Variants in PGBD1 observed in about 807,000 individuals in gnomAD.
PGBD1 encodes piggyBac transposable element-derived protein 1.
PGBD1 carries 25 observed loss-of-function variants against 34.7 expected under a neutral mutation model. The ratio of observed to expected loss-of-function variants is 0.72; its 90% confidence interval spans 0.52 to 1.00. The LOEUF (loss-of-function observed/expected upper bound fraction) is 1.00. Ranked by LOEUF, PGBD1 falls within the 50% of genes least tolerant of loss-of-function variation. The pLI, the probability that PGBD1 is intolerant of heterozygous loss-of-function variation, is 0.00. For missense variants in PGBD1, 830 were observed against 959.4 expected (o/e 0.87, Z 1.78); for synonymous variants, 292 against 335.7 (o/e 0.87, Z 1.42).
chr6:28,285,069 T>C (rs1762246450), intron 2 of PGBD1, among the ~76,000 whole-genome samples: 1 of 152,214 alleles, frequency 6.6e-6, no homozygotes, highest in African/African-American at 2.4e-5. Context: ...GTCTTTGTCA[T>C]GACGTTGTTA....
At chr6:28,282,134 G>C (rs1762147189) in intron 1 of PGBD1, among the ~76,000 whole-genome samples, 1 of 152,168 alleles carries the variant, frequency 6.6e-6, no homozygotes, top group African/African-American at 2.4e-5. Flanking sequence ...GAACATTTAC[G>C]CTGGGCCTTG....
At position 28,301,150 on chromosome 6, in the gene PGBD1, C is replaced by G. The variant is rs770269579; in HGVS notation, c.1296C>G (p.Phe432Leu). ...LFELFFDDET[F>L]NLIVNETNNY... ...AATTATTTTTTGATGATGAAACATT[C>G]AACTTAATTGTCAATGAAACCAATA... Residue 432 changes from phenylalanine to leucine, a missense_variant, in exon 7 of 7, where the codon TTC becomes TTG. Physicochemically the swap from Phe to Leu is conservative, Grantham distance 22. This residue lies in a region of PGBD1 where 457 missense variants were observed against 515.4 expected (regional missense o/e 0.89). Transcript: ENST00000682144. The G allele has an allele frequency of 6.2e-7, 1 of 1,614,022 alleles. No individual in the cohort carries two copies. Among genetic ancestry groups the G allele is most frequent in the Non-Finnish European group, 8.5e-7 (1 of 1,179,990 alleles).
In PGBD1 at chr6:28,297,992, G is replaced by A. The variant is rs749496466; in HGVS notation, c.869+1G>A. 1 of 1,592,778 alleles carries A rather than the reference G, an allele frequency of 6.3e-7. No individual in the cohort carries two copies. The highest frequency in any genetic ancestry group is 8.6e-7 in the Non-Finnish European group (1 of 1,162,558). ...GAGAAGCCTCAGGAAAGCCCAACAG[G>A]TGAGTGTCCATGGTCCTCAGTGAAT... On this transcript the variant is annotated splice_donor_variant, in intron 6 of 6. Transcript: ENST00000682144. LOFTEE classifies it high-confidence loss of function.
Position 28,301,012 on chromosome 6 carries a change from A to G in PGBD1, c.1158A>G (p.Pro386=). 6.2e-7 allele frequency: 1 copy of G among 1,614,216 alleles called. No individual in the cohort carries two copies. Among genetic ancestry groups the G allele is most frequent in the Non-Finnish European group, 8.5e-7 (1 of 1,180,038 alleles). ...AGAAGTTAAAGGTATCATGTTTCCC[A>G]GAAAAGAGTTGGACCAAAAGAGACA... ...AQKKLKVSCF[P]EKSWTKRDIK... Residue 386 remains proline, a synonymous_variant, in exon 7 of 7, where the codon CCA becomes CCG. Coordinates refer to ENST00000682144, the MANE Select transcript of PGBD1 (RefSeq NM_032507.4).
Position 28,281,729 on chromosome 6 carries a change from C to T in PGBD1, c.-228C>T, listed in dbSNP as rs756874334. The T allele has an allele frequency of 1.8e-5, 5 of 271,486 alleles. No individual in the cohort carries two copies. The highest frequency in any genetic ancestry group is 3.4e-5 in the Non-Finnish European group (5 of 146,364). The allele number at this position is 271,486 out of a possible 1,614,324, so 16.8% of individuals were successfully genotyped here. A position where few individuals can be genotyped will look rare whatever the true frequency, so the allele number is the denominator to read the frequency against. Reference sequence around the variant, plus strand: ...AGGTCAGCTACGTCTTTGTTGTGCGCGTTCCTGAACTTTTGGTCCATTAAC... The same window carrying T: ...AGGTCAGCTACGTCTTTGTTGTGCGTGTTCCTGAACTTTTGGTCCATTAAC... On this transcript the variant is annotated 5_prime_UTR_variant, in exon 1 of 7. Transcript: ENST00000682144.
chr6:28,285,654 C>T lies in PGBD1; in HGVS notation c.500C>T (p.Thr167Ile), dbSNP rs1219200079. 1 of 1,614,154 alleles carries T rather than the reference C, an allele frequency of 6.2e-7. No individual in the cohort carries two copies. Among genetic ancestry groups the T allele is most frequent in the Non-Finnish European group, 8.5e-7 (1 of 1,180,038 alleles). Residue 167 changes from threonine to isoleucine, a missense_variant, in exon 3 of 7, where the codon ACC becomes ATC. This residue lies in a region of PGBD1 where 457 missense variants were observed against 515.4 expected (regional missense o/e 0.89). Coordinates refer to ENST00000682144, the MANE Select transcript of PGBD1 (RefSeq NM_032507.4). ...QSLQLLPGIT[T>I]LKCEPPQRPQ... ...CTCCAGCTCCTGCCTGGGATAACCACCCTGAAGTGTGAACCTCCACAGCGT... is the reference window on the plus strand; with the variant it reads ...CTCCAGCTCCTGCCTGGGATAACCATCCTGAAGTGTGAACCTCCACAGCGT...
chr6:28,297,744 A>G (rs1762689992), intron 5 of PGBD1, 151 bp from the exon 6 acceptor site: 4 of 568,034 alleles, frequency 7.0e-6, no homozygotes, highest in East Asian at 6.3e-5. Context: ...GATTGCTGAA[A>G]CTGTGCACCC....
intron 1 of PGBD1, among the ~76,000 whole-genome samples, chr6:28,282,946 A>G (rs1361289942): frequency 6.6e-6 from 1 of 152,250 alleles, no homozygotes; most frequent in African/African-American, 2.4e-5. Flanking sequence ...GTATTGTTGC[A>G]TCAAAAATAA....
intron 5 of PGBD1, 53 bp downstream of exon 5, chr6:28,296,998 C>T: frequency 1.9e-6 from 3 of 1,606,972 alleles, no homozygotes; most frequent in Non-Finnish European, 1.7e-6. Context: ...TTTCCTGTCA[C>T]TCACCCTGGC....
chr6:28,282,363 G>A (rs1485060276), intron 1 of PGBD1, among the ~76,000 whole-genome samples: 1 of 152,186 alleles, frequency 6.6e-6, no homozygotes, highest in Non-Finnish European at 1.5e-5. Flanking sequence ...ACCCAGTAAA[G>A]ATTAGATCCT....
At chr6:28,288,018 G>A (rs1198916536) in intron 4 of PGBD1, among the ~76,000 whole-genome samples, 1 of 152,222 alleles carries the variant, frequency 6.6e-6, no homozygotes, top group Admixed American at 6.5e-5. Context: ...TAACAACGTA[G>A]TCAGGTGTTT....
At chr6:28,295,944 T>G (rs9461448) in intron 4 of PGBD1, among the ~76,000 whole-genome samples, 12,251 of 152,230 alleles carry the variant, frequency 0.08, 710 homozygotes, top group African/African-American at 0.14. Flanking sequence ...TGAAACCCCC[T>G]CCTTGTCAAA....
In PGBD1 at chr6:28,301,835, A is replaced by G. The variant is rs531746928; in HGVS notation, c.1981A>G (p.Met661Val). ...GAACAGGACCGAAAAATGTCCCCTT[A>G]TGAATGTAGAACATATGAAAAAAAT... ...RENRTEKCPL[M>V]NVEHMKKMKR... is the part of the protein sequence containing the mutation. Residue 661 changes from methionine (M) to valine (V), a missense_variant, in exon 7 of 7, where the codon ATG (methionine) becomes GTG (valine). By Grantham distance (21) the Met-to-Val change is conservative. Around this residue, in one of 3 missense-constraint regions of PGBD1, gnomAD observed 372 missense variants for 427.9 expected, o/e 0.87. Transcript: ENST00000682144. The G allele has an allele frequency of 6.2e-7, 1 of 1,614,090 alleles. No homozygotes were observed. Among genetic ancestry groups the G allele is most frequent in the Non-Finnish European group, 8.5e-7 (1 of 1,180,046 alleles).
rs1264954808 is a variant in PGBD1 at position 28,301,839 on chromosome 6, A to G, written c.1985A>G (p.Asn662Ser). The G allele has an allele frequency of 1.2e-6, 2 of 1,614,054 alleles. No homozygotes were observed. The highest frequency in any genetic ancestry group is 2.7e-5 in the African/African-American group (2 of 74,912). The part of the protein sequence containing the change: ...ENRTEKCPLM[N>S]VEHMKKMKRG... ...AGGACCGAAAAATGTCCCCTTATGAATGTAGAACATATGAAAAAAATGAAG... is the reference window on the plus strand; with the variant it reads ...AGGACCGAAAAATGTCCCCTTATGAGTGTAGAACATATGAAAAAAATGAAG... The change falls in exon 7 of 7, where the codon AAT becomes AGT. Residue 662 changes from asparagine (N) to serine (S), a missense_variant. By Grantham distance (46) the Asn-to-Ser change is conservative. Coordinates refer to ENST00000682144, the MANE Select transcript of PGBD1 (RefSeq NM_032507.4).
In PGBD1 at chr6:28,301,269, A is replaced by G; in HGVS notation, c.1415A>G (p.His472Arg). 1.2e-6 allele frequency: 2 copies of G among 1,614,128 alleles called. No individual in the cohort carries two copies. Among genetic ancestry groups the G allele is most frequent in the Non-Finnish European group, 1.7e-6 (2 of 1,180,006 alleles). Residue 472 changes from histidine to arginine, a missense_variant, in exon 7 of 7, where the codon CAT (histidine) becomes CGT (arginine). Around this residue, in one of 3 missense-constraint regions of PGBD1, gnomAD observed 372 missense variants for 427.9 expected, o/e 0.87. Coordinates refer to ENST00000682144, the MANE Select transcript of PGBD1 (RefSeq NM_032507.4). ...TTACTTTTGAGTGGATTTATGAGGC[A>G]TCCTAGAAGGGAAATGTATTGGGAA... ...GVLLLSGFMR[H>R]PRREMYWEVS...
intron 2 of PGBD1, among the ~76,000 whole-genome samples, chr6:28,285,210 A>G (rs1762250195): frequency 6.6e-6 from 1 of 152,166 alleles, no homozygotes; most frequent in South Asian, 2.1e-4. Flanking sequence ...TCAGTGCGTT[A>G]CTTCAGGAGG....
At chr6:28,295,611 C>A (rs55831267) in intron 4 of PGBD1, among the ~76,000 whole-genome samples, 22,710 of 152,130 alleles carry the variant, frequency 0.15, 1,955 homozygotes, top group South Asian at 0.24. Flanking sequence ...TCTCTGAAGG[C>A]TCAGATGATT....
intron 4 of PGBD1, among the ~76,000 whole-genome samples, chr6:28,296,053 G>GAT (rs1762620585): frequency 6.6e-6 from 1 of 152,184 alleles, no homozygotes; most frequent in Non-Finnish European, 1.5e-5. Flanking sequence ...AGAGGCTAAT[G>GAT]AAACCATGTG....
rs148376865 is a variant in PGBD1 at position 28,288,253 on chromosome 6, G to A, written c.642+1085G>A. Among the ~76,000 whole-genome samples the A allele has an allele frequency of 9.2e-5, 14 of 152,290 alleles. No individual in the cohort carries two copies. The East Asian group carries it at 2.7e-3, about 29-fold the overall frequency. On this transcript the variant is annotated intron_variant, in intron 4 of 6. Transcript: ENST00000682144. ...AGATATATGAAAATCCTAACCCCACGTACCTGTGAATGTGACCTGATTTGG... is the reference window on the plus strand; with the variant it reads ...AGATATATGAAAATCCTAACCCCACATACCTGTGAATGTGACCTGATTTGG...
Sources: allele counts gnomAD v4.1 joint callset (sites outside exome capture counted in the v4.1 genomes callset), GRCh38; gene constraint gnomAD v4.1.1; regional missense constraint gnomAD v4.1.1; transcripts MANE v1.5; gene names NCBI Gene and HGNC (gene_info 2026-07-23, HGNC 2026-07-21).